The following CHN2 variants were observed in gnomAD, a reference collection of about 807,000 sequenced individuals.
The protein encoded by CHN2 is beta-chimaerin.
A neutral mutation model predicts 56.3 loss-of-function variants in CHN2; 35 were observed. The observed-to-expected ratio is 0.62, with a 90% CI of 0.47 to 0.82. The LOEUF (loss-of-function observed/expected upper bound fraction) is 0.82, where lower values mean the gene tolerates loss of function less well. Among genes scored for constraint, CHN2 ranks in the 40% least tolerant of loss-of-function variants. The pLI is 0.00. For synonymous variants in CHN2, 210 were observed against 212.8 expected (o/e 0.99, Z 0.12); for missense variants, 491 against 580.5 (o/e 0.85, Z 1.58).
rs189914918 is a variant in CHN2 at position 29,358,564 on chromosome 7, G to A, written c.88+3901G>A. Among the ~76,000 whole-genome samples, 1,223 of 151,982 alleles carry A rather than the reference G, an allele frequency of 8.0e-3. 24 individuals are homozygous for A. The highest frequency in any genetic ancestry group is 0.028 in the African/African-American group (1,144 of 41,440). ...TGCAAGCCCCGCCTCCCGAGTTCAC[G>A]CCATTCTCCTGCCTCAGCCTCCCGA... On this transcript the variant is annotated intron_variant, in intron 2 of 12. Coordinates refer to ENST00000222792, the MANE Select transcript of CHN2 (RefSeq NM_004067.4).
At chr7:29,443,014 C>G (rs554791137) in intron 6 of CHN2, among the ~76,000 whole-genome samples, 5 of 144,138 alleles carry the variant, frequency 3.5e-5, no homozygotes, top group African/African-American at 1.3e-4. Flanking sequence ...AATCTCGGCT[C>G]ACTGCAAACT....
At chr7:29,507,120 G>A in intron 10 of CHN2, 108 bp from the exon 11 acceptor site, 1 of 1,025,284 alleles carries the variant, frequency 9.8e-7, no homozygotes, top group Non-Finnish European at 1.4e-6. Context: ...AGTTAGCTGA[G>A]ACTTGTCAGG....
intron 3 of CHN2, among the ~76,000 whole-genome samples, chr7:29,384,437 A>G (rs535201654): frequency 2.0e-5 from 3 of 152,268 alleles, no homozygotes; most frequent in African/African-American, 4.8e-5. Flanking sequence ...GACAGTCTCC[A>G]TGTGACTTGC....
At chr7:29,445,491 A>G (rs1394326787) in intron 6 of CHN2, among the ~76,000 whole-genome samples, 4 of 152,226 alleles carry the variant, frequency 2.6e-5, no homozygotes, top group African/African-American at 7.2e-5. Flanking sequence ...AAAGCATAAT[A>G]GTACTCTTAA....
chr7:29,447,633 T>C (rs1377810661), intron 6 of CHN2, among the ~76,000 whole-genome samples: 1 of 152,136 alleles, frequency 6.6e-6, no homozygotes, highest in East Asian at 1.9e-4. Flanking sequence ...CACATCATAA[T>C]CAGGTACCTC....
intron 1 of CHN2, among the ~76,000 whole-genome samples, chr7:29,204,182 A>G (rs1784366935): frequency 2.6e-5 from 4 of 152,018 alleles, no homozygotes. Flanking sequence ...GTGGGTTTAC[A>G]TACACATCCA....
At chr7:29,246,717 C>T (rs916968463) in intron 1 of CHN2, among the ~76,000 whole-genome samples, 13 of 152,160 alleles carry the variant, frequency 8.5e-5, no homozygotes, top group African/African-American at 2.4e-4. Flanking sequence ...TTCTGGAGGC[C>T]AGGAAGGCCA....
chr7:29,359,865 G>T (rs1798590516), intron 2 of CHN2, among the ~76,000 whole-genome samples: 1 of 152,178 alleles, frequency 6.6e-6, no homozygotes, highest in Non-Finnish European at 1.5e-5. Flanking sequence ...TTCTTAAGAG[G>T]CCAAGTGCCA....
intron 1 of CHN2, among the ~76,000 whole-genome samples, chr7:29,265,016 T>C (rs1004259706): frequency 1.3e-5 from 2 of 152,002 alleles, no homozygotes; most frequent in Non-Finnish European, 2.9e-5. Context: ...AAATCAGGAG[T>C]GTAGAAAGTA....
intron 6 of CHN2, among the ~76,000 whole-genome samples, chr7:29,425,304 A>G (rs1185087173): frequency 6.6e-6 from 1 of 152,202 alleles, no homozygotes; most frequent in Non-Finnish European, 1.5e-5. Context: ...CACTACTGCA[A>G]TCAGCAGCAT....
At chr7:29,287,023 G>A (rs1189494864) in intron 1 of CHN2, among the ~76,000 whole-genome samples, 21 of 152,046 alleles carry the variant, frequency 1.4e-4, no homozygotes, top group Non-Finnish European at 3.1e-4. Flanking sequence ...CCTTCCCCTG[G>A]GGATGGGGAC....
chr7:29,361,181 G>A (rs1199877467), intron 2 of CHN2, among the ~76,000 whole-genome samples: 1 of 152,192 alleles, frequency 6.6e-6, no homozygotes, highest in African/African-American at 2.4e-5. Flanking sequence ...AAATGTGTTT[G>A]TTGAACAAGG....
At chr7:29,416,996 T>C (rs1803818164) in intron 6 of CHN2, among the ~76,000 whole-genome samples, 1 of 152,188 alleles carries the variant, frequency 6.6e-6, no homozygotes, top group South Asian at 2.1e-4. Context: ...AGTGGCTGTG[T>C]GGCTGAGCCC....
intron 3 of CHN2, among the ~76,000 whole-genome samples, chr7:29,370,472 A>G (rs1799518657): frequency 6.6e-6 from 1 of 152,074 alleles, no homozygotes; most frequent in Non-Finnish European, 1.5e-5. Flanking sequence ...TTCCTATTAC[A>G]TCTCATCCGT....
intron 2 of CHN2, among the ~76,000 whole-genome samples, chr7:29,170,155 G>A (rs1384725185): frequency 6.6e-6 from 1 of 152,038 alleles, no homozygotes; most frequent in East Asian, 1.9e-4. Flanking sequence ...GGGGTGGAGG[G>A]GGATTCCCTG....
chr7:29,224,356 A>G (rs117339502), intron 1 of CHN2, among the ~76,000 whole-genome samples: 3,013 of 152,340 alleles, frequency 0.02, 52 homozygotes, highest in Non-Finnish European at 0.031. Flanking sequence ...ATACTGTTAA[A>G]TTTTAGTTAA....
intron 9 of CHN2, 106 bp downstream of exon 9, chr7:29,500,146 A>G: frequency 1.2e-6 from 1 of 836,898 alleles, no homozygotes; most frequent in East Asian, 2.9e-5. Context: ...TGTTGGGAAA[A>G]TGACCTACGC....
chr7:29,284,996 C>G (rs1792033425), intron 1 of CHN2, among the ~76,000 whole-genome samples: 2 of 152,170 alleles, frequency 1.3e-5, no homozygotes, highest in Non-Finnish European at 2.9e-5. Context: ...TTTAATCAAA[C>G]TTTTCCTTTG....
At chr7:29,316,920 G>A (rs543021545) in intron 1 of CHN2, among the ~76,000 whole-genome samples, 1 of 152,216 alleles carries the variant, frequency 6.6e-6, no homozygotes, top group South Asian at 2.1e-4. Context: ...ATGTTTTATT[G>A]CTACAAAAAG....
Sources: allele counts gnomAD v4.1 joint callset (sites outside exome capture counted in the v4.1 genomes callset), GRCh38; gene constraint gnomAD v4.1.1; transcripts MANE v1.5; gene names NCBI Gene and HGNC (gene_info 2026-07-23, HGNC 2026-07-21).